Variants in ATAD5 observed in about 807,000 individuals in gnomAD.
The protein encoded by ATAD5 is ATPase family AAA domain containing 5.
In ATAD5, 58 loss-of-function variants were observed where a neutral mutation model predicts 176.9. The ratio of observed to expected loss-of-function variants is 0.33; its 90% confidence interval spans 0.27 to 0.41. The LOEUF is 0.41. ATAD5 is among the 10% of genes least tolerant of loss of function. The pLI, the probability that ATAD5 is intolerant of heterozygous loss-of-function variation, is 1.00. For synonymous variants in ATAD5, 640 were observed against 712.6 expected (o/e 0.90, Z 1.62); for missense variants, 1,789 against 2,094.1 (o/e 0.85, Z 2.84).
intron 18 of ATAD5, among the ~76,000 whole-genome samples, 164 bp downstream of exon 18, chr17:30,879,651 T>C (rs1054844846): frequency 6.6e-6 from 1 of 151,582 alleles, no homozygotes; most frequent in Non-Finnish European, 1.5e-5. Context: ...CAAGCTCCGC[T>C]TCCCGGGTTC....
chr17:30,881,939 T>C (rs1211990510), intron 18 of ATAD5, among the ~76,000 whole-genome samples: 1 of 151,080 alleles, frequency 6.6e-6, no homozygotes, highest in Non-Finnish European at 1.5e-5. Flanking sequence ...TTGTTTCTTT[T>C]AAATAACACA....
chr17:30,849,067 C>T (rs1317746706), intron 6 of ATAD5, among the ~76,000 whole-genome samples: 3 of 152,060 alleles, frequency 2.0e-5, no homozygotes, highest in Non-Finnish European at 4.4e-5. Context: ...GGCAGGGTTT[C>T]ACCATGTTGG....
chr17:30,843,085 C>T (rs1260161691), intron 4 of ATAD5, among the ~76,000 whole-genome samples: 1 of 151,426 alleles, frequency 6.6e-6, no homozygotes, highest in East Asian at 2.0e-4. Context: ...GGCCTGGTGG[C>T]TCACGCCTGT....
At chr17:30,877,955 C>G in intron 16 of ATAD5, 48 bp from the exon 17 acceptor site, 7 of 1,266,608 alleles carry the variant, frequency 5.5e-6, no homozygotes, top group Non-Finnish European at 7.9e-6. Context: ...GTATACATAA[C>G]TGATATTAGT....
chr17:30,882,081 ACC>A lies in ATAD5; in HGVS notation c.4077+2597_4077+2598del, dbSNP rs1202863025. Among the ~76,000 whole-genome samples the A allele has an allele frequency of 2.0e-5, 3 of 151,146 alleles. No individual in the cohort carries two copies. The East Asian group carries it at 5.9e-4, about 30-fold the overall frequency. On this transcript the variant is annotated intron_variant, in intron 18 of 22. Transcript: ENST00000321990. ...TTGAGATGAGCCTCAACATTGAGAA[ACC>A]CCGTGTCTACTAAAAATACAAAATT...
In ATAD5 at chr17:30,892,593, CTT is replaced by C; in HGVS notation, c.4259-11_4259-10del. 1 of 1,527,502 alleles carries C rather than the reference CTT, an allele frequency of 6.5e-7. No individual in the cohort carries two copies. The highest frequency in any genetic ancestry group is 8.8e-7 in the Non-Finnish European group (1 of 1,141,890). 94.6% of individuals were successfully genotyped at this position (1,527,502 alleles called of 1,614,324 possible). ...AATACATATATAGAGCTAAGATTTT[CTT>C]TTATTTTGTAGGTGGAAATAGCAGA... On this transcript the variant is annotated splice_polypyrimidine_tract_variant and intron_variant, in intron 19 of 22. Coordinates refer to ENST00000321990, the MANE Select transcript of ATAD5 (RefSeq NM_024857.5).
chr17:30,850,031 C>G (rs1453249940), intron 6 of ATAD5, among the ~76,000 whole-genome samples: 1 of 152,072 alleles, frequency 6.6e-6, no homozygotes, highest in Non-Finnish European at 1.5e-5. Context: ...GGCCCAGCTA[C>G]TTGGGAGTCT....
rs775683918 is a variant in ATAD5 at position 30,869,302 on chromosome 17, G to T, written c.3368G>T (p.Arg1123Leu). 1.2e-6 allele frequency: 2 copies of T among 1,613,878 alleles called. No individual in the cohort carries two copies. Among genetic ancestry groups the T allele is most frequent in the Admixed American group, 1.7e-5 (1 of 59,936 alleles). ...AGTTCAGATGATGAAGAAGAGAGTCGTCTTTGCAATACTGTCCTTATAACA... is the reference window on the plus strand; with the variant it reads ...AGTTCAGATGATGAAGAAGAGAGTCTTCTTTGCAATACTGTCCTTATAACA... Reference protein sequence around the residue: ...KGSSDDEEESRLCNTVLITGP... With the variant: ...KGSSDDEEESLLCNTVLITGP... Residue 1123 changes from arginine to leucine, a missense_variant, in exon 13 of 23, where the codon CGT becomes CTT. By Grantham distance (102) the Arg-to-Leu change is moderately radical. Coordinates refer to ENST00000321990, the MANE Select transcript of ATAD5 (RefSeq NM_024857.5).
chr17:30,852,350 A>G (rs1243442194), intron 6 of ATAD5, among the ~76,000 whole-genome samples: 4 of 151,858 alleles, frequency 2.6e-5, no homozygotes, highest in African/African-American at 7.3e-5. Flanking sequence ...CTAGGCTTCT[A>G]TTTTACTTGC....
intron 2 of ATAD5, 66 bp downstream of exon 2, chr17:30,836,114 C>T: frequency 7.4e-7 from 1 of 1,354,020 alleles, no homozygotes; most frequent in Non-Finnish European, 9.9e-7. Context: ...GACAAAAATG[C>T]TTCAAGTATT....
At chr17:30,852,385 A>G (rs1310851092) in intron 6 of ATAD5, among the ~76,000 whole-genome samples, 14 of 151,860 alleles carry the variant, frequency 9.2e-5, no homozygotes, top group Non-Finnish European at 1.9e-4. Flanking sequence ...GCAGTTAGCC[A>G]TTTCTCTGTG....
intron 6 of ATAD5, among the ~76,000 whole-genome samples, chr17:30,846,248 C>T (rs1421008211): frequency 8.6e-5 from 13 of 151,908 alleles, no homozygotes; most frequent in Admixed American, 8.5e-4. Flanking sequence ...ATCACATAAA[C>T]TTCATATATA....
At chr17:30,850,383 C>T (rs1351678476) in intron 6 of ATAD5, among the ~76,000 whole-genome samples, 9 of 147,812 alleles carry the variant, frequency 6.1e-5, no homozygotes, top group Admixed American at 1.4e-4. Flanking sequence ...TTTTTAAAGG[C>T]AGCAACTTGC....
In ATAD5 at chr17:30,835,480, A is replaced by G. The variant is rs772051886; in HGVS notation, c.1399A>G (p.Lys467Glu). Reference protein sequence around the residue: ...KNGNLQLHTDKGSFLKEKNKK... With the variant: ...KNGNLQLHTDEGSFLKEKNKK... ...TGGCAATTTACAGTTACACACTGAT[A>G]AAGGAAGTTTTCTGAAGGAGAAAAA... The change falls in exon 2 of 23, where the codon AAA becomes GAA. Residue 467 changes from lysine to glutamate, a missense_variant. By Grantham distance (56) the Lys-to-Glu change is moderately conservative. Coordinates refer to ENST00000321990, the MANE Select transcript of ATAD5 (RefSeq NM_024857.5). 3.1e-6 allele frequency: 5 copies of G among 1,608,216 alleles called. No individual in the cohort carries two copies. Among genetic ancestry groups the G allele is most frequent in the South Asian group, 1.1e-5 (1 of 88,412 alleles).
intron 18 of ATAD5, among the ~76,000 whole-genome samples, chr17:30,884,410 A>ATTTCT (rs1909193237): frequency 3.6e-5 from 4 of 112,294 alleles, no homozygotes; most frequent in South Asian, 2.8e-4. Context: ...CTTGCATTAT[A>ATTTCT]TTTCTTTTCT....
chr17:30,860,796 A>G (rs188540185), intron 10 of ATAD5, among the ~76,000 whole-genome samples, 184 bp downstream of exon 10: 26 of 152,104 alleles, frequency 1.7e-4, no homozygotes, highest in Admixed American at 1.6e-3. Flanking sequence ...CTGGAGTGCA[A>G]TGGCACGATC....
intron 10 of ATAD5, among the ~76,000 whole-genome samples, chr17:30,860,960 C>A (rs1483079768): frequency 6.6e-6 from 1 of 151,576 alleles, no homozygotes; most frequent in East Asian, 1.9e-4. Flanking sequence ...CGGGCTGGAG[C>A]CCACCATCAT....
At chr17:30,878,715 G>GTTT (rs1908808796) in intron 17 of ATAD5, among the ~76,000 whole-genome samples, 1 of 91,174 alleles carries the variant, frequency 1.1e-5, no homozygotes, top group Non-Finnish European at 2.2e-5. Context: ...GAAGTTAGGT[G>GTTT]GTGTTTTTTT....
rs749062599 is a variant in ATAD5 at position 30,894,015 on chromosome 17, CTTCTGCTATT to C, written c.5164_5173del (p.Ser1722GlnfsTer7). ...GAAGCTCTCAGCTTTACTAAATGTT[CTTCTGCTATT>C]TCAAAAGCATTGGAAACCTTGAATT... On this transcript the variant is annotated frameshift_variant, in exon 21 of 23. Coordinates refer to ENST00000321990, the MANE Select transcript of ATAD5 (RefSeq NM_024857.5). LOFTEE classifies it high-confidence loss of function. 1 of 1,613,518 alleles carries C rather than the reference CTTCTGCTATT, an allele frequency of 6.2e-7. No individual in the cohort carries two copies. Among genetic ancestry groups the C allele is most frequent in the Non-Finnish European group, 8.5e-7 (1 of 1,179,592 alleles).
Sources: gnomAD v4.1 joint callset for allele counts (sites outside exome capture counted in the v4.1 genomes callset) on GRCh38, gnomAD v4.1.1 for gene constraint, MANE v1.5 for transcripts, NCBI Gene and HGNC (gene_info 2026-07-23, HGNC 2026-07-21) for gene names.